Variants in CTNNA3 observed in about 807,000 individuals in gnomAD.
CTNNA3 encodes the protein catenin alpha-3.
CTNNA3 carries 76 observed loss-of-function variants against 95.7 expected under a neutral mutation model. That is an observed-to-expected ratio of 0.79 (90% confidence interval 0.66 to 0.96). The LOEUF (loss-of-function observed/expected upper bound fraction) is 0.96. Ranked by LOEUF, CTNNA3 falls within the 40% of genes least tolerant of loss-of-function variation. The pLI is 0.00. For synonymous variants in CTNNA3, 431 were observed against 374.4 expected (o/e 1.15, Z -1.74); for missense variants, 1,191 against 1,089.8 (o/e 1.09, Z -1.31).
In CTNNA3 at chr10:66,921,959, A is replaced by G. The variant is rs16923764; in HGVS notation, c.1048-146435T>C. Among the ~76,000 whole-genome samples the G allele has an allele frequency of 9.8e-3, 1,494 of 152,318 alleles. 97 individuals carry two copies. Among genetic ancestry groups the G allele is most frequent in the Admixed American group, 0.083 (1,274 of 15,288 alleles). On this transcript the variant is annotated intron_variant, in intron 7 of 17. Transcript: ENST00000433211. ...ATATCTGAAGTCAACAACTGTTAAG[A>G]TATCAGTCCATTCTCTTTCAGTTAT...
intron 12 of CTNNA3, among the ~76,000 whole-genome samples, chr10:66,301,950 T>A (rs994277066): frequency 5.9e-5 from 9 of 152,024 alleles, no homozygotes; most frequent in African/African-American, 2.2e-4. Context: ...AGAATCAATT[T>A]AAAAAGTCCT....
chr10:66,511,507 C>A (rs1424187592), intron 11 of CTNNA3, among the ~76,000 whole-genome samples: 1 of 149,052 alleles, frequency 6.7e-6, no homozygotes, highest in South Asian at 2.1e-4. Context: ...TTCCTTTAAA[C>A]TTCCCTCTTG....
At chr10:66,239,714 G>C (rs111340294) in intron 13 of CTNNA3, among the ~76,000 whole-genome samples, 3 of 151,842 alleles carry the variant, frequency 2.0e-5, no homozygotes, top group East Asian at 1.9e-4. Context: ...ATTGATACTG[G>C]TTTGTTGTTT....
At chr10:66,763,616 T>C (rs1476306490) in intron 9 of CTNNA3, among the ~76,000 whole-genome samples, 3 of 152,220 alleles carry the variant, frequency 2.0e-5, no homozygotes, top group South Asian at 2.1e-4. Context: ...ATTCCTTCTA[T>C]TGAGAAATGT....
intron 9 of CTNNA3, among the ~76,000 whole-genome samples, chr10:66,756,744 C>A (rs1208390295): frequency 4.8e-4 from 73 of 152,014 alleles, no homozygotes; most frequent in Admixed American, 4.8e-3. Context: ...TGGGAGGAAC[C>A]CACTTCCCTA....
chr10:66,157,043 T>C (rs2084543995), intron 13 of CTNNA3, among the ~76,000 whole-genome samples: 1 of 151,914 alleles, frequency 6.6e-6, no homozygotes, highest in Admixed American at 6.6e-5. Context: ...CCTTATTTCC[T>C]TTTTTAAAAT....
intron 6 of CTNNA3, among the ~76,000 whole-genome samples, chr10:67,180,851 T>A (rs1862503374): frequency 6.6e-6 from 1 of 152,198 alleles, no homozygotes; most frequent in Non-Finnish European, 1.5e-5. Context: ...GTTGTAAAAC[T>A]GTTGTAAGAA....
At chr10:67,323,119 C>T (rs899928253) in intron 5 of CTNNA3, among the ~76,000 whole-genome samples, 1 of 151,972 alleles carries the variant, frequency 6.6e-6, no homozygotes, top group Admixed American at 6.6e-5. Context: ...GGATGTTAGA[C>T]CTTTGACAGA....
At chr10:66,112,257 C>T (rs749732877) in intron 13 of CTNNA3, among the ~76,000 whole-genome samples, 5 of 152,084 alleles carry the variant, frequency 3.3e-5, no homozygotes, top group Non-Finnish European at 5.9e-5. Flanking sequence ...GTGCCTGGCA[C>T]ACAGTCAGTA....
intron 12 of CTNNA3, among the ~76,000 whole-genome samples, chr10:66,290,196 CA>C (rs2091657209): frequency 6.6e-6 from 1 of 151,744 alleles, no homozygotes; most frequent in Non-Finnish European, 1.5e-5. Flanking sequence ...ACATCTCCCC[CA>C]AAAGTGAATT....
intron 10 of CTNNA3, among the ~76,000 whole-genome samples, chr10:66,532,845 C>T (rs2660000): frequency 0.84 from 127,283 of 152,038 alleles, 55,527 homozygotes; most frequent in East Asian, 0.98. Context: ...GTTGACTTCT[C>T]TTTCTCATTC....
intron 5 of CTNNA3, among the ~76,000 whole-genome samples, chr10:67,358,728 A>G (rs182878274): frequency 4.6e-5 from 7 of 152,254 alleles, no homozygotes; most frequent in African/African-American, 1.7e-4. Flanking sequence ...GGGTCGTCAG[A>G]GAGTTGTAAG....
chr10:66,525,597 T>C (rs1841226188), intron 10 of CTNNA3, among the ~76,000 whole-genome samples: 10 of 152,058 alleles, frequency 6.6e-5, no homozygotes, highest in Admixed American at 6.6e-4. Flanking sequence ...AACATTACAA[T>C]GCCTGGTGTA....
At chr10:66,433,048 T>C (rs1456432790) in intron 11 of CTNNA3, among the ~76,000 whole-genome samples, 1 of 152,220 alleles carries the variant, frequency 6.6e-6, no homozygotes, top group African/African-American at 2.4e-5. Context: ...CAGTCTATCA[T>C]TGATGGGCAT....
At chr10:67,349,311 A>C (rs1564586268) in intron 5 of CTNNA3, among the ~76,000 whole-genome samples, 1 of 152,118 alleles carries the variant, frequency 6.6e-6, no homozygotes, top group Admixed American at 6.5e-5. Flanking sequence ...CTAAATGTCC[A>C]TCAACAAATG....
At chr10:66,413,697 T>C (rs1490387962) in intron 11 of CTNNA3, among the ~76,000 whole-genome samples, 3 of 152,194 alleles carry the variant, frequency 2.0e-5, no homozygotes, top group African/African-American at 4.8e-5. Context: ...AATATTTCCT[T>C]AGAAGATTAA....
At chr10:67,488,089 G>A (rs1471810611) in intron 5 of CTNNA3, among the ~76,000 whole-genome samples, 4 of 152,116 alleles carry the variant, frequency 2.6e-5, no homozygotes, top group Middle Eastern at 3.2e-3. Flanking sequence ...ACAGAACCTC[G>A]TTGAGTTTCG....
At chr10:66,770,177 T>C (rs962075392) in intron 8 of CTNNA3, among the ~76,000 whole-genome samples, 2 of 152,228 alleles carry the variant, frequency 1.3e-5, no homozygotes, top group Non-Finnish European at 2.9e-5. Context: ...AGGGACAAGA[T>C]GTGAAAGGAC....
intron 11 of CTNNA3, among the ~76,000 whole-genome samples, chr10:66,403,273 C>A (rs2132566418): frequency 6.6e-6 from 1 of 152,258 alleles, no homozygotes; most frequent in African/African-American, 2.4e-5. Context: ...GCCTTTCTTT[C>A]TATCACTATC....
Sources: allele counts gnomAD v4.1 joint callset (sites outside exome capture counted in the v4.1 genomes callset), GRCh38; gene constraint gnomAD v4.1.1; transcripts MANE v1.5; gene names NCBI Gene and HGNC (gene_info 2026-07-23, HGNC 2026-07-21).